DCAF6: variants seen among roughly 807,000 people sequenced by gnomAD.
DCAF6 encodes DDB1- and CUL4-associated factor 6.
Under a neutral mutation model 125.1 loss-of-function variants are expected in DCAF6, and 54 were observed. The observed-to-expected ratio is 0.43, with a 90% CI of 0.35 to 0.54. The LOEUF is 0.54. Ranked by LOEUF, DCAF6 falls within the 20% of genes least tolerant of loss-of-function variation. The probability of loss-of-function intolerance (pLI) is 0.01; values close to 1 mark genes in which losing one functional copy is unlikely to be tolerated. For missense variants in DCAF6, 934 were observed against 1,161.7 expected, an observed-to-expected ratio of 0.80 and a Z score of 2.85; for synonymous variants, 371 against 390.4, an observed-to-expected ratio of 0.95 and a Z score of 0.58.
the DCAF6 span, among the ~76,000 whole-genome samples, chr1:167,876,615 G>A: frequency 6.6e-6 from 1 of 152,182 alleles, no homozygotes; most frequent in African/African-American, 2.4e-5. Context: ...TACTGTGTGT[G>A]TATTTCTCCA....
In DCAF6 at chr1:168,056,026, G is replaced by T. The variant is rs1279436492; in HGVS notation, c.2300+5093G>T. The T allele has an allele frequency of 6.9e-6, 11 of 1,596,864 alleles. No homozygotes were observed. The Admixed American group carries it at 1.2e-4, about 17-fold the overall frequency. ...TCTTCATAACAAGATTTGTTTACAA[G>T]TCCTGGATTTTCTGCAAGAGCTTCA... On this transcript the variant is annotated intron_variant, in intron 17 of 21. Transcript: ENST00000367840.
chr1:167,891,539 C>G, the DCAF6 span, among the ~76,000 whole-genome samples: 5 of 151,588 alleles, frequency 3.3e-5, no homozygotes, highest in Admixed American at 6.6e-5. Context: ...GCCTGTAGTC[C>G]CAGCTACTCA....
At chr1:168,030,421 C>A (rs1306084013) in intron 12 of DCAF6, among the ~76,000 whole-genome samples, 1 of 152,132 alleles carries the variant, frequency 6.6e-6, no homozygotes, top group Non-Finnish European at 1.5e-5. Context: ...TTAGGTTTCG[C>A]ATTTTTATTT....
intron 20 of DCAF6, among the ~76,000 whole-genome samples, chr1:168,067,854 A>G (rs772256413): frequency 6.6e-6 from 1 of 152,122 alleles, no homozygotes; most frequent in Non-Finnish European, 1.5e-5. Context: ...GTATTCAAGT[A>G]ATCCTATTCT....
the DCAF6 span, among the ~76,000 whole-genome samples, chr1:167,876,768 T>C: frequency 6.6e-6 from 1 of 152,100 alleles, no homozygotes; most frequent in African/African-American, 2.4e-5. Flanking sequence ...CTTGGCAGAG[T>C]CCTCTCATTC....
chr1:167,990,218 A>G (rs1349416572), intron 5 of DCAF6, among the ~76,000 whole-genome samples: 1 of 152,180 alleles, frequency 6.6e-6, no homozygotes, highest in Admixed American at 6.5e-5. Flanking sequence ...TTTTTAAAAA[A>G]TTAGCCTGGT....
Position 167,966,154 on chromosome 1 carries a change from G to A in DCAF6, c.160-475G>A, listed in dbSNP as rs374273871. Among the ~76,000 whole-genome samples the A allele has an allele frequency of 7.9e-4, 120 of 152,260 alleles. 1 individual carries two copies. In the South Asian group the frequency reaches 0.023, roughly 29 times the overall value. On this transcript the variant is annotated intron_variant, in intron 2 of 21. Coordinates refer to ENST00000367840, the MANE Select transcript of DCAF6 (RefSeq NM_001198956.2). Reference sequence around the variant, plus strand: ...GTCCTTACCTCTCTGAAGGATCCAAGATCAGTTATTGATTTTACAGTTTGT... The same window carrying A: ...GTCCTTACCTCTCTGAAGGATCCAAAATCAGTTATTGATTTTACAGTTTGT...
the DCAF6 span, among the ~76,000 whole-genome samples, chr1:167,915,566 T>C: frequency 6.6e-6 from 1 of 152,188 alleles, no homozygotes; most frequent in Admixed American, 6.5e-5. Flanking sequence ...TTCTCCTGTC[T>C]CAGCCTCCCA....
chr1:167,978,984 T>C (rs1571772292), intron 4 of DCAF6, among the ~76,000 whole-genome samples: 1 of 152,310 alleles, frequency 6.6e-6, no homozygotes, highest in Non-Finnish European at 1.5e-5. Context: ...TTGTCTAATA[T>C]GTTGGTCTGC....
rs1472306152 is a variant in DCAF6 at position 168,045,140 on chromosome 1, GGGACTCTGCTCTTCA to G, written c.2176_2190del (p.Ser726_Asp730del). Reference sequence around the variant, plus strand: ...TCAGCTCATGAAGAAACATCCACCAGGGACTCTGCTCTTCAGGACACAGATGACAGTGATGATGAC... The same window carrying G: ...TCAGCTCATGAAGAAACATCCACCAGGGACACAGATGACAGTGATGATGAC... On this transcript the variant is annotated inframe_deletion, in exon 16 of 22. Transcript: ENST00000367840. The G allele has an allele frequency of 6.2e-7, 1 of 1,613,954 alleles. No individual in the cohort carries two copies.
intron 10 of DCAF6, among the ~76,000 whole-genome samples, chr1:168,014,625 T>C (rs1453354276): frequency 6.6e-6 from 1 of 152,244 alleles, no homozygotes; most frequent in Non-Finnish European, 1.5e-5. Context: ...TTCCCTGCCG[T>C]AATAAATTGG....
the DCAF6 span, among the ~76,000 whole-genome samples, chr1:167,900,477 A>C: frequency 6.6e-6 from 1 of 152,200 alleles, no homozygotes; most frequent in South Asian, 2.1e-4. Context: ...TAACTTAGAA[A>C]AAATATTCAG....
At chr1:168,015,728 T>C (rs999330494) in intron 10 of DCAF6, 53 bp from the exon 11 acceptor site, 18 of 1,352,990 alleles carry the variant, frequency 1.3e-5, no homozygotes, top group Admixed American at 3.3e-5. Context: ...CAAATTCTTA[T>C]TATTTTCTAT....
chr1:167,901,576 C>G, the DCAF6 span: 1 of 1,361,798 alleles, frequency 7.3e-7, no homozygotes, highest in Non-Finnish European at 1.0e-6. Context: ...CCATGTTCTA[C>G]TACTTCTCTT....
chr1:168,012,521 C>T (rs1163745354), intron 10 of DCAF6, among the ~76,000 whole-genome samples: 1 of 152,162 alleles, frequency 6.6e-6, no homozygotes, highest in Non-Finnish European at 1.5e-5. Context: ...AAAGCTAATT[C>T]TCCAAGCATT....
chr1:167,975,164 A>G, intron 4 of DCAF6, 149 bp downstream of exon 4: 1 of 456,814 alleles, frequency 2.2e-6, no homozygotes, highest in Non-Finnish European at 3.8e-6. Context: ...TCTAGGTGTC[A>G]GCAGAGCATT....
chr1:167,893,942 C>A, the DCAF6 span: 1 of 1,612,276 alleles, frequency 6.2e-7, no homozygotes, highest in Non-Finnish European at 8.5e-7. Context: ...CTCAGGAGGT[C>A]TAAGAAGGCA....
intron 4 of DCAF6, among the ~76,000 whole-genome samples, chr1:167,978,899 C>T (rs1678656981): frequency 6.6e-6 from 1 of 152,110 alleles, no homozygotes; most frequent in South Asian, 2.1e-4. Context: ...TCAAGCGATC[C>T]TCCTGCCTCT....
intron 1 of DCAF6, among the ~76,000 whole-genome samples, chr1:167,945,537 G>A (rs1672937611): frequency 6.6e-6 from 1 of 152,068 alleles, no homozygotes; most frequent in Non-Finnish European, 1.5e-5. Context: ...TGTCACCCAG[G>A]CTGGAGTGCA....
Sources: allele counts gnomAD v4.1 joint callset (sites outside exome capture counted in the v4.1 genomes callset), GRCh38; gene constraint gnomAD v4.1.1; transcripts MANE v1.5; gene names NCBI Gene and HGNC (gene_info 2026-07-23, HGNC 2026-07-21).